The following SLCO5A1 variants were observed in gnomAD, a reference collection of about 807,000 sequenced individuals.
SLCO5A1 encodes the protein organic anion transporter polypeptide-related protein 4.
SLCO5A1 carries 39 observed loss-of-function variants against 65.1 expected under a neutral mutation model. The observed-to-expected ratio is 0.60, with a 90% confidence interval of 0.46 to 0.78. The LOEUF (loss-of-function observed/expected upper bound fraction) is 0.78, where lower values mean the gene tolerates loss of function less well. SLCO5A1 is among the 30% of genes least tolerant of loss of function. The pLI is 0.00. For synonymous variants in SLCO5A1, 438 were observed against 415.7 expected, an observed-to-expected ratio of 1.05 and a Z score of -0.65; for missense variants, 1,029 against 1,069.4, an observed-to-expected ratio of 0.96 and a Z score of 0.53.
At chr8:69,761,584 G>T in intron 3 of SLCO5A1, 159 bp downstream of exon 3, 1 of 685,636 alleles carries the variant, frequency 1.5e-6, no homozygotes, top group South Asian at 1.9e-5. Flanking sequence ...TTAGGACGTA[G>T]CTTTCTTTGG....
intron 5 of SLCO5A1, among the ~76,000 whole-genome samples, chr8:69,722,445 T>A (rs1815869645): frequency 6.6e-6 from 1 of 152,138 alleles, no homozygotes; most frequent in Non-Finnish European, 1.5e-5. Context: ...GTACTTCAAG[T>A]CTTGAAGTAC....
At chr8:69,722,867 C>G (rs1815890562) in intron 5 of SLCO5A1, among the ~76,000 whole-genome samples, 1 of 151,672 alleles carries the variant, frequency 6.6e-6, no homozygotes, top group Admixed American at 6.6e-5. Context: ...TATGTAGGAA[C>G]ATACATACGC....
chr8:69,791,458 C>T (rs1408639054), intron 2 of SLCO5A1, among the ~76,000 whole-genome samples: 1 of 152,198 alleles, frequency 6.6e-6, no homozygotes. Flanking sequence ...TGTTAAATTA[C>T]AGTCATTAAA....
chr8:69,745,347 T>C (rs1816970917), intron 4 of SLCO5A1, among the ~76,000 whole-genome samples: 2 of 152,186 alleles, frequency 1.3e-5, no homozygotes, highest in African/African-American at 4.8e-5. Flanking sequence ...CCAACATTTC[T>C]TTTATGTTCT....
At chr8:69,681,254 T>C (rs1813749922) in intron 7 of SLCO5A1, among the ~76,000 whole-genome samples, 1 of 152,226 alleles carries the variant, frequency 6.6e-6, no homozygotes, top group Non-Finnish European at 1.5e-5. Flanking sequence ...TGAAAGCAAC[T>C]TCGTACAATC....
rs183615025 is a variant in SLCO5A1, at chr8:69,683,728, A to T, written c.1623-1385T>A. Among the ~76,000 whole-genome samples, 550 of 152,034 alleles carry T rather than the reference A, an allele frequency of 3.6e-3. 3 individuals are homozygous for T. The highest frequency in any genetic ancestry group is 0.013 in the African/African-American group (526 of 41,470). On this transcript the variant is annotated intron_variant, in intron 6 of 9. Transcript: ENST00000260126. ...CAGGCACCTGCCACCATGCCCGGCT[A>T]ATTTTTGTATTTTCAGTAGAGATGG...
At chr8:69,821,933 C>A (rs1251460074) in intron 2 of SLCO5A1, among the ~76,000 whole-genome samples, 4 of 152,104 alleles carry the variant, frequency 2.6e-5, no homozygotes, top group Non-Finnish European at 5.9e-5. Flanking sequence ...TAGAGACCAG[C>A]CTGATCAACA....
Position 69,767,886 on chromosome 8 carries a change from T to C in SLCO5A1, c.908-6011A>G, listed in dbSNP as rs1322910335. Among the ~76,000 whole-genome samples the C allele has an allele frequency of 7.8e-5, 7 of 89,742 alleles. No individual in the cohort carries two copies. The Admixed American group carries it at 8.6e-4, about 11-fold the overall frequency. 58.9% of individuals were successfully genotyped at this position (89,742 alleles called of 152,430 possible). On this transcript the variant is annotated intron_variant, in intron 2 of 9. Coordinates refer to ENST00000260126, the MANE Select transcript of SLCO5A1 (RefSeq NM_030958.3). The stretch of plus-strand genomic sequence containing the variant: ...GCCTGGGTGACAGAATGAGACTCCA[T>C]CTCAAAAAAAAAAAAAAAAAAAAAA...
At chr8:69,788,007 G>A (rs182707493) in intron 2 of SLCO5A1, among the ~76,000 whole-genome samples, 2 of 152,098 alleles carry the variant, frequency 1.3e-5, no homozygotes, top group East Asian at 3.9e-4. Context: ...TCTTTTACCG[G>A]CTTTCTCATT....
chr8:69,733,772 G>A (rs1298858335), intron 5 of SLCO5A1, among the ~76,000 whole-genome samples: 2 of 152,170 alleles, frequency 1.3e-5, no homozygotes, highest in African/African-American at 4.8e-5. Flanking sequence ...CGCCCTGACT[G>A]TAAGTTTCCT....
intron 2 of SLCO5A1, among the ~76,000 whole-genome samples, chr8:69,821,365 TAAAATA>T (rs2130920271): frequency 7.4e-6 from 1 of 135,698 alleles, no homozygotes; most frequent in South Asian, 2.4e-4. Context: ...TCTCAAAAAA[TAAAATA>T]AAATTTGCAA....
intron 2 of SLCO5A1, among the ~76,000 whole-genome samples, chr8:69,826,748 A>C (rs1231375269): frequency 6.6e-6 from 1 of 152,206 alleles, no homozygotes; most frequent in African/African-American, 2.4e-5. Context: ...GCGATTCCTC[A>C]GGGATCTAGA....
chr8:69,705,233 G>A lies in SLCO5A1; in HGVS notation c.1424-4C>T. On this transcript the variant is annotated splice_polypyrimidine_tract_variant and splice_region_variant and intron_variant, in intron 5 of 9. Coordinates refer to ENST00000260126, the MANE Select transcript of SLCO5A1 (RefSeq NM_030958.3). ...GCACTGGGGACGATAATAACCCCTG[G>A]GGAGAAGAGAAGGAGAGGATTAATT... 2 of 1,613,238 alleles carry A rather than the reference G, an allele frequency of 1.2e-6. No homozygotes were observed.
chr8:69,784,949 A>AGAAG (rs1563723332), intron 2 of SLCO5A1, among the ~76,000 whole-genome samples: 4 of 139,210 alleles, frequency 2.9e-5, no homozygotes, highest in Non-Finnish European at 4.7e-5. Flanking sequence ...AAAGAAAGAA[A>AGAAG]GAAGAAAGGA....
intron 2 of SLCO5A1, among the ~76,000 whole-genome samples, chr8:69,822,860 C>T (rs1820706581): frequency 6.6e-6 from 1 of 152,212 alleles, no homozygotes; most frequent in Non-Finnish European, 1.5e-5. Context: ...TTTTCCGGTG[C>T]TCTTTCTAAG....
intron 5 of SLCO5A1, among the ~76,000 whole-genome samples, chr8:69,728,262 T>G (rs1816177074): frequency 6.6e-6 from 1 of 151,868 alleles, no homozygotes; most frequent in Admixed American, 6.6e-5. Flanking sequence ...TAAAAAGAAA[T>G]AAAAAAGGAT....
chr8:69,768,390 A>C (rs1818170058), intron 2 of SLCO5A1, among the ~76,000 whole-genome samples: 1 of 152,324 alleles, frequency 6.6e-6, no homozygotes, highest in South Asian at 2.1e-4. Flanking sequence ...CAGGTTACAC[A>C]TCAAAGGAAT....
chr8:69,743,540 G>A (rs773578304), intron 4 of SLCO5A1, among the ~76,000 whole-genome samples: 4 of 152,098 alleles, frequency 2.6e-5, no homozygotes, highest in African/African-American at 4.8e-5. Context: ...CACCAACTTC[G>A]GTGAACCTGA....
intron 5 of SLCO5A1, among the ~76,000 whole-genome samples, chr8:69,706,267 A>G (rs1319629973): frequency 6.6e-6 from 1 of 152,242 alleles, no homozygotes; most frequent in Non-Finnish European, 1.5e-5. Context: ...ACAAACAGGT[A>G]GTACAACTAT....
Sources: gnomAD v4.1 joint callset for allele counts (sites outside exome capture counted in the v4.1 genomes callset) on GRCh38, gnomAD v4.1.1 for gene constraint, MANE v1.5 for transcripts, NCBI Gene and HGNC (gene_info 2026-07-23, HGNC 2026-07-21) for gene names.